Variants in SGCD observed in about 807,000 individuals in gnomAD.
The protein encoded by SGCD is delta-sarcoglycan.
In SGCD, 18 loss-of-function variants were observed where a neutral mutation model predicts 36.6. The observed-to-expected ratio is 0.49, with a 90% CI of 0.34 to 0.73. SGCD has a LOEUF of 0.73. SGCD is among the 30% of genes least tolerant of loss of function. The pLI is 0.01. For synonymous variants in SGCD, 133 were observed against 130.6 expected (o/e 1.02, Z -0.12); for missense variants, 387 against 346.7 (o/e 1.12, Z -0.92).
chr5:156,216,690 CAT>C (rs1001470365), intron 3 of SGCD, among the ~76,000 whole-genome samples: 3 of 152,246 alleles, frequency 2.0e-5, no homozygotes, highest in African/African-American at 4.8e-5. Flanking sequence ...CCTTTAAAAA[CAT>C]GTGTTATAGG....
intron 3 of SGCD, among the ~76,000 whole-genome samples, chr5:156,384,181 C>T (rs1373470320): frequency 6.6e-6 from 1 of 152,182 alleles, no homozygotes; most frequent in Non-Finnish European, 1.5e-5. Flanking sequence ...CTTCGCATTG[C>T]TGGAATGGAC....
chr5:156,568,061 G>C (rs1261449764), intron 4 of SGCD, among the ~76,000 whole-genome samples: 11 of 152,106 alleles, frequency 7.2e-5, no homozygotes, highest in African/African-American at 2.7e-4. Context: ...AACTTGTCCA[G>C]GTTTATATGG....
At chr5:155,774,005 A>G in the SGCD span, among the ~76,000 whole-genome samples, 8 of 152,238 alleles carry the variant, frequency 5.3e-5, no homozygotes, top group South Asian at 1.7e-3. Flanking sequence ...GAGTTCTAGA[A>G]TGCTTGATAA....
At position 156,115,141 on chromosome 5, in the gene SGCD, T is replaced by C. The variant is rs1018706715; in HGVS notation, c.-281-2737T>C. Among the ~76,000 whole-genome samples, 4 of 152,110 alleles carry C rather than the reference T, an allele frequency of 2.6e-5. No homozygotes were observed. In the South Asian group the frequency reaches 6.2e-4, roughly 24 times the overall value. ...TAAAATCTCATATGGAAATAAATTG[T>C]TTTTATATTAACTTTTTAATTTCTG... is the stretch of plus-strand genomic sequence containing the variant. On this transcript the variant is annotated intron_variant, in intron 1 of 9. Coordinates refer to the SGCD transcript ENST00000517913.
chr5:156,679,095 A>G (rs1406722166), intron 7 of SGCD, among the ~76,000 whole-genome samples: 2 of 152,306 alleles, frequency 1.3e-5, no homozygotes, highest in East Asian at 3.9e-4. Context: ...TTGTCCATAT[A>G]TTACTTGGAT....
chr5:155,766,159 G>A, the SGCD span, among the ~76,000 whole-genome samples: 1 of 152,088 alleles, frequency 6.6e-6, no homozygotes, highest in Non-Finnish European at 1.5e-5. Context: ...CTGTTATCAT[G>A]AGAGATAGAG....
chr5:156,444,141 TCC>T (rs1753653730), intron 3 of SGCD, among the ~76,000 whole-genome samples: 1 of 100,190 alleles, frequency 1.0e-5, no homozygotes, highest in Non-Finnish European at 2.2e-5. Context: ...TCTCTCTCCT[TCC>T]CTTTCTCTCT....
At chr5:156,065,573 G>A (rs1581072973) in intron 1 of SGCD, among the ~76,000 whole-genome samples, 1 of 25,802 alleles carries the variant, frequency 3.9e-5, no homozygotes, top group African/African-American at 2.6e-4. Flanking sequence ...GGGAGTCTAA[G>A]TCTCTTTGTA....
chr5:156,169,913 A>G (rs1193561928), intron 3 of SGCD, among the ~76,000 whole-genome samples: 7 of 152,134 alleles, frequency 4.6e-5, no homozygotes, highest in Non-Finnish European at 7.3e-5. Flanking sequence ...TTTGGCAAGA[A>G]TTATAGATTT....
At chr5:156,718,739 C>T (rs116148515) in intron 7 of SGCD, among the ~76,000 whole-genome samples, 16,897 of 148,940 alleles carry the variant, frequency 0.11, 1,072 homozygotes, top group African/African-American at 0.13. Context: ...GAGGTTGAGG[C>T]AGGAGGATCG....
intron 3 of SGCD, among the ~76,000 whole-genome samples, chr5:156,218,339 G>A (rs1764629377): frequency 2.0e-5 from 3 of 151,964 alleles, no homozygotes; most frequent in African/African-American, 7.2e-5. Context: ...CACTCTTTGG[G>A]GGAAAAAAGA....
At chr5:155,960,161 C>T (rs945895247) in intron 1 of SGCD, among the ~76,000 whole-genome samples, 1 of 152,026 alleles carries the variant, frequency 6.6e-6, no homozygotes. Flanking sequence ...TCCTTCTCCT[C>T]TTCATTTCCA....
chr5:155,823,101 TCTATCTATCTATCTGGCTAG>T, the SGCD span, among the ~76,000 whole-genome samples: 1 of 150,572 alleles, frequency 6.6e-6, no homozygotes, highest in African/African-American at 2.4e-5. Context: ...TATCTATCTA[TCTATCTATCTATCTGGCTAG>T]CTATCTAGCT....
At chr5:155,923,966 T>C (rs760162848) in intron 1 of SGCD, among the ~76,000 whole-genome samples, 1 of 152,156 alleles carries the variant, frequency 6.6e-6, no homozygotes, top group African/African-American at 2.4e-5. Flanking sequence ...AGATGTAAAA[T>C]AGGTCCATAG....
chr5:156,235,785 A>G (rs920996322), intron 3 of SGCD, among the ~76,000 whole-genome samples: 2 of 152,164 alleles, frequency 1.3e-5, no homozygotes, highest in Non-Finnish European at 1.5e-5. Context: ...ATACCATTTT[A>G]TTTTGTGCAA....
At chr5:156,689,245 G>A (rs934215787) in intron 7 of SGCD, among the ~76,000 whole-genome samples, 1 of 152,136 alleles carries the variant, frequency 6.6e-6, no homozygotes, top group Non-Finnish European at 1.5e-5. Context: ...AACTTTTCTC[G>A]AAATCCAAAA....
At chr5:156,085,099 AT>A (rs34420220) in intron 1 of SGCD, among the ~76,000 whole-genome samples, 28,532 of 150,482 alleles carry the variant, frequency 0.19, 4,407 homozygotes, top group East Asian at 0.46. Flanking sequence ...TGGTTTACTA[AT>A]TTTTTTTTTG....
At chr5:156,556,253 G>A (rs1467555004) in intron 4 of SGCD, among the ~76,000 whole-genome samples, 1 of 151,998 alleles carries the variant, frequency 6.6e-6, no homozygotes, top group East Asian at 1.9e-4. Context: ...AAACCATTAG[G>A]AAGATTAAAT....
intron 7 of SGCD, among the ~76,000 whole-genome samples, chr5:156,695,326 A>G (rs1478788321): frequency 1.3e-5 from 2 of 152,060 alleles, no homozygotes; most frequent in Non-Finnish European, 2.9e-5. Context: ...GCATCATCCA[A>G]TCAATTGAAG....
Sources: allele counts gnomAD v4.1 joint callset (sites outside exome capture counted in the v4.1 genomes callset), GRCh38; gene constraint gnomAD v4.1.1; transcripts MANE v1.5; gene names NCBI Gene and HGNC (gene_info 2026-07-23, HGNC 2026-07-21).